Variants in SLC26A3 observed in about 807,000 individuals in gnomAD.
The protein encoded by SLC26A3 is solute carrier family 26 member 3.
In SLC26A3, 64 loss-of-function variants were observed where a neutral mutation model predicts 85.6. That is an observed-to-expected ratio of 0.75 (90% CI 0.61 to 0.92). The LOEUF is 0.92. Among genes scored for constraint, SLC26A3 ranks in the 40% least tolerant of loss-of-function variants. The probability of loss-of-function intolerance (pLI) is 0.00; values close to 1 mark genes in which losing one functional copy is unlikely to be tolerated. For missense variants in SLC26A3, 922 were observed against 927.3 expected (o/e 0.99, Z 0.07); for synonymous variants, 349 against 336.0 (o/e 1.04, Z -0.42).
intron 6 of SLC26A3, 61 bp from the exon 7 acceptor site, chr7:107,787,570 G>T: frequency 7.2e-7 from 1 of 1,390,462 alleles, no homozygotes; most frequent in Non-Finnish European, 1.0e-6. Context: ...TGGATACAAC[G>T]CATCTCCAAA....
chr7:107,766,959 C>G (rs1793927674), intron 20 of SLC26A3, among the ~76,000 whole-genome samples: 1 of 151,954 alleles, frequency 6.6e-6, no homozygotes, highest in Non-Finnish European at 1.5e-5. Context: ...TGTAATACAC[C>G]TGCCATCTAC....
chr7:107,802,629 G>A (rs1160919673), intron 1 of SLC26A3, among the ~76,000 whole-genome samples: 1 of 151,596 alleles, frequency 6.6e-6, no homozygotes, highest in Non-Finnish European at 1.5e-5. Context: ...AGCCTCTTGA[G>A]TAGCTAGGAC....
At chr7:107,778,086 A>T in intron 13 of SLC26A3, 89 bp downstream of exon 13, 1 of 848,696 alleles carries the variant, frequency 1.2e-6, no homozygotes, top group Non-Finnish European at 2.0e-6. Context: ...TCAACCAACT[A>T]CTGTTCTTTT....
chr7:107,791,308 G>T, intron 4 of SLC26A3, 73 bp from the exon 5 acceptor site: 1 of 1,482,016 alleles, frequency 6.7e-7, no homozygotes, highest in Admixed American at 1.7e-5. Context: ...CACAGAATAA[G>T]ACCATATAAA....
chr7:107,770,038 C>CTTTCTTTCTTTCTTTCTT (rs1554377141), intron 18 of SLC26A3, among the ~76,000 whole-genome samples: 145 of 76,394 alleles, frequency 1.9e-3, no homozygotes, highest in Admixed American at 5.0e-3. Context: ...TTCTTTCTTT[C>CTTTCTTTCTTTCTTTCTT]TTTCTTTCTT....
intron 8 of SLC26A3, 132 bp from the exon 9 acceptor site, chr7:107,783,484 T>G (rs527562471): frequency 5.0e-5 from 53 of 1,056,380 alleles, no homozygotes; most frequent in Non-Finnish European, 6.8e-5. Flanking sequence ...TAACGAGAAT[T>G]TAGCTCCACT....
intron 13 of SLC26A3, among the ~76,000 whole-genome samples, chr7:107,777,122 A>T (rs1466840705): frequency 6.6e-6 from 1 of 152,192 alleles, no homozygotes; most frequent in Non-Finnish European, 1.5e-5. Flanking sequence ...ATATAAATAA[A>T]TGAAAGAGTT....
intron 18 of SLC26A3, among the ~76,000 whole-genome samples, chr7:107,770,351 G>A (rs1002556445): frequency 4.2e-5 from 6 of 143,666 alleles, no homozygotes; most frequent in African/African-American, 7.6e-5. Context: ...TGACCTCCCA[G>A]GCTCAAGCGA....
At chr7:107,767,518 C>T (rs1386050912) in intron 20 of SLC26A3, 61 bp downstream of exon 20, 8 of 1,312,040 alleles carry the variant, frequency 6.1e-6, no homozygotes, top group South Asian at 2.4e-5. Flanking sequence ...GGCCTCACTA[C>T]TTTGAAGGTT....
At chr7:107,801,148 C>T (rs1308435923) in intron 1 of SLC26A3, among the ~76,000 whole-genome samples, 2 of 152,138 alleles carry the variant, frequency 1.3e-5, no homozygotes, top group African/African-American at 2.4e-5. Context: ...GCTGTATTGT[C>T]GCTAATTTAC....
At chr7:107,772,702 C>T (rs756798650) in intron 17 of SLC26A3, among the ~76,000 whole-genome samples, 3 of 152,120 alleles carry the variant, frequency 2.0e-5, no homozygotes, top group Non-Finnish European at 2.9e-5. Flanking sequence ...CTTCTAGGCA[C>T]TTAACTAAGA....
rs1562874424 is a variant in SLC26A3 at position 107,770,179 on chromosome 7, TTTAAAAAAAAAAAGGGG to T, written c.2062+1858_2062+1874del. ...TTTTTTTTTTTTTTTTTTTTTTTTT[TTTAAAAAAAAAAAGGGG>T]TTTTTTTTTTTTTTTTTTTTTTTTT... On this transcript the variant is annotated intron_variant, in intron 18 of 20. Coordinates refer to ENST00000340010, the MANE Select transcript of SLC26A3 (RefSeq NM_000111.3). 5.7e-4 allele frequency among the ~76,000 whole-genome samples: 7 copies of T among 12,338 alleles called. 1 individual carries two copies. The highest frequency in any genetic ancestry group is 3.0e-3 in the Admixed American group (3 of 1,016). The allele number at this position is 12,338 out of a possible 152,430, so 8.1% of individuals were successfully genotyped here. A position where few individuals can be genotyped will look rare whatever the true frequency, so the allele number is the denominator to read the frequency against.
At chr7:107,769,672 C>T (rs1434333755) in intron 18 of SLC26A3, among the ~76,000 whole-genome samples, 3 of 152,050 alleles carry the variant, frequency 2.0e-5, no homozygotes, top group African/African-American at 7.2e-5. Flanking sequence ...ACAATAAACC[C>T]CCATGACACG....
intron 18 of SLC26A3, among the ~76,000 whole-genome samples, chr7:107,771,312 A>G (rs1016307466): frequency 1.3e-5 from 2 of 152,210 alleles, no homozygotes; most frequent in Admixed American, 6.5e-5. Context: ...AGTCGAGTCC[A>G]TTGGTCTGCA....
At chr7:107,792,703 A>C (rs1045856325) in intron 3 of SLC26A3, among the ~76,000 whole-genome samples, 1 of 152,132 alleles carries the variant, frequency 6.6e-6, no homozygotes, top group Non-Finnish European at 1.5e-5. Context: ...GGGACTGGGG[A>C]CCCCTGGCAT....
At chr7:107,778,833 TA>T (rs895904429) in intron 12 of SLC26A3, among the ~76,000 whole-genome samples, 1 of 150,258 alleles carries the variant, frequency 6.7e-6, no homozygotes, top group African/African-American at 2.5e-5. Flanking sequence ...CTACAAAAAA[TA>T]AAAAAAAATA....
At chr7:107,800,596 C>T (rs1794582506) in intron 1 of SLC26A3, among the ~76,000 whole-genome samples, 2 of 152,266 alleles carry the variant, frequency 1.3e-5, no homozygotes, top group South Asian at 4.1e-4. Flanking sequence ...TTCCCAAGGG[C>T]AAGGCCCAAA....
intron 3 of SLC26A3, among the ~76,000 whole-genome samples, chr7:107,792,876 A>G (rs1794427056): frequency 6.6e-6 from 1 of 152,236 alleles, no homozygotes; most frequent in Non-Finnish European, 1.5e-5. Context: ...TATAGAAACA[A>G]CACTTGCAAC....
At chr7:107,793,080 T>G (rs985448278) in intron 3 of SLC26A3, among the ~76,000 whole-genome samples, 3 of 152,156 alleles carry the variant, frequency 2.0e-5, no homozygotes, top group Admixed American at 2.0e-4. Flanking sequence ...AGAAAAAAGA[T>G]GGACAATAAC....
Sources: gnomAD v4.1 joint callset for allele counts (sites outside exome capture counted in the v4.1 genomes callset) on GRCh38, gnomAD v4.1.1 for gene constraint, MANE v1.5 for transcripts, NCBI Gene and HGNC (gene_info 2026-07-23, HGNC 2026-07-21) for gene names.